Variants in SLC2A13 observed in about 807,000 individuals in gnomAD.
SLC2A13 encodes solute carrier family 2 member 13.
SLC2A13 carries 32 observed loss-of-function variants against 64.4 expected under a neutral mutation model. The observed-to-expected ratio is 0.50, with a 90% CI of 0.37 to 0.67. SLC2A13 has a LOEUF of 0.67. Among genes scored for constraint, SLC2A13 ranks in the 30% least tolerant of loss-of-function variants. The probability of loss-of-function intolerance (pLI) is 0.00; values close to 1 mark genes in which losing one functional copy is unlikely to be tolerated. For missense variants in SLC2A13, 743 were observed against 829.2 expected (o/e 0.90, Z 1.28); for synonymous variants, 338 against 327.1 (o/e 1.03, Z -0.36).
At chr12:40,026,629 CA>C (rs1947812753) in intron 3 of SLC2A13, among the ~76,000 whole-genome samples, 1 of 152,134 alleles carries the variant, frequency 6.6e-6, no homozygotes, top group African/African-American at 2.4e-5. Flanking sequence ...TATCCCTAAA[CA>C]AGAAGGCTTT....
At chr12:39,775,589 T>C (rs10444572) in intron 7 of SLC2A13, among the ~76,000 whole-genome samples, 148,078 of 152,336 alleles carry the variant, frequency 0.97, 71,971 homozygotes, top group East Asian at 1. Context: ...CTTATTCCAT[T>C]ATCACATCCA....
intron 6 of SLC2A13, among the ~76,000 whole-genome samples, chr12:39,838,141 C>T (rs1364713916): frequency 6.8e-6 from 1 of 147,332 alleles, no homozygotes. Flanking sequence ...CACATATACA[C>T]CATGGAATAC....
rs192030406 is a variant in SLC2A13, at chr12:39,809,911, T to C, written c.1445+20192A>G. ...TTTTCTTAATCCAGTCTATTATTGT[T>C]GGACATTTGGGTTGGTTTCAAGTCT... is the stretch of plus-strand genomic sequence containing the variant. On this transcript the variant is annotated intron_variant, in intron 7 of 9. Transcript: ENST00000280871. Among the ~76,000 whole-genome samples the C allele has an allele frequency of 3.3e-3, 502 of 152,330 alleles. 8 individuals carry two copies. Among genetic ancestry groups the C allele is most frequent in the African/African-American group, 0.012 (491 of 41,578 alleles).
At chr12:39,787,854 T>C (rs1941245765) in intron 7 of SLC2A13, among the ~76,000 whole-genome samples, 1 of 152,176 alleles carries the variant, frequency 6.6e-6, no homozygotes, top group Non-Finnish European at 1.5e-5. Context: ...TACTGATAAT[T>C]CACTTCTGTT....
intron 3 of SLC2A13, among the ~76,000 whole-genome samples, chr12:39,987,626 CT>C (rs1947053113): frequency 6.6e-6 from 1 of 152,188 alleles, no homozygotes; most frequent in Non-Finnish European, 1.5e-5. Flanking sequence ...CATTTATACA[CT>C]GTTTTTTCTT....
At chr12:39,809,193 T>G (rs568522988) in intron 7 of SLC2A13, among the ~76,000 whole-genome samples, 1 of 152,306 alleles carries the variant, frequency 6.6e-6, no homozygotes, top group South Asian at 2.1e-4. Flanking sequence ...ATTGGATTAA[T>G]TTGGTTTTTT....
intron 4 of SLC2A13, among the ~76,000 whole-genome samples, chr12:39,896,328 GTA>G (rs1273628071): frequency 2.2e-5 from 3 of 138,780 alleles, no homozygotes; most frequent in Admixed American, 1.5e-4. Context: ...ATGTATATGT[GTA>G]TATATGTATA....
intron 1 of SLC2A13, among the ~76,000 whole-genome samples, chr12:40,066,332 C>G (rs1937725185): frequency 6.6e-6 from 1 of 152,156 alleles, no homozygotes; most frequent in Non-Finnish European, 1.5e-5. Flanking sequence ...TTCTACTTAT[C>G]TAAAACGTCA....
intron 3 of SLC2A13, among the ~76,000 whole-genome samples, chr12:39,964,069 A>G (rs1371527475): frequency 1.3e-5 from 2 of 152,196 alleles, no homozygotes; most frequent in African/African-American, 4.8e-5. Context: ...CTTAAAAGAA[A>G]GAGACGATGT....
At chr12:40,029,466 T>C (rs568852593) in intron 2 of SLC2A13, among the ~76,000 whole-genome samples, 48 of 152,294 alleles carry the variant, frequency 3.2e-4, no homozygotes, top group African/African-American at 9.9e-4. Flanking sequence ...AGGAGGCCAA[T>C]TCTATTTCTA....
At chr12:39,923,810 G>C (rs184018663) in intron 4 of SLC2A13, among the ~76,000 whole-genome samples, 22 of 151,418 alleles carry the variant, frequency 1.5e-4, no homozygotes, top group Non-Finnish European at 2.8e-4. Flanking sequence ...AAACCTCATC[G>C]CACCTCAACA....
chr12:40,044,071 C>G (rs1014451939), intron 2 of SLC2A13, among the ~76,000 whole-genome samples: 15 of 151,986 alleles, frequency 9.9e-5, no homozygotes, highest in Non-Finnish European at 2.2e-4. Context: ...ATTTATATAG[C>G]CCCAAAATGT....
Position 39,972,058 on chromosome 12 carries a change from A to T in SLC2A13, c.926-20693T>A, listed in dbSNP as rs1302450496. On this transcript the variant is annotated intron_variant, in intron 3 of 9. Coordinates refer to ENST00000280871, the MANE Select transcript of SLC2A13 (RefSeq NM_052885.4). Reference sequence around the variant, plus strand: ...TATATATAAATTATATATAATATATAAAAATTATATATATAGAATTTATAT... The same window carrying T: ...TATATATAAATTATATATAATATATTAAAATTATATATATAGAATTTATAT... 3.4e-5 allele frequency among the ~76,000 whole-genome samples: 4 copies of T among 118,758 alleles called. No homozygotes were observed. The East Asian group carries it at 7.6e-4, about 23-fold the overall frequency. 77.9% of individuals were successfully genotyped at this position (118,758 alleles called of 152,430 possible). A position where few individuals can be genotyped will look rare whatever the true frequency, so the allele number is the denominator to read the frequency against.
At chr12:39,976,349 A>T (rs28370625) in intron 3 of SLC2A13, among the ~76,000 whole-genome samples, 34,137 of 152,224 alleles carry the variant, frequency 0.22, 3,952 homozygotes, top group Middle Eastern at 0.27. Flanking sequence ...ACACAATGGT[A>T]CGTGGCACTT....
intron 7 of SLC2A13, among the ~76,000 whole-genome samples, chr12:39,809,986 T>G (rs1332582592): frequency 6.6e-6 from 1 of 152,206 alleles, no homozygotes; most frequent in Non-Finnish European, 1.5e-5. Flanking sequence ...ATGTGTCTTA[T>G]AGCAGCATGA....
chr12:39,995,264 A>G (rs1277525974), intron 3 of SLC2A13, among the ~76,000 whole-genome samples: 3 of 152,190 alleles, frequency 2.0e-5, no homozygotes, highest in African/African-American at 7.2e-5. Flanking sequence ...CACCTTAAAC[A>G]TTTATCATTT....
intron 9 of SLC2A13, among the ~76,000 whole-genome samples, chr12:39,763,156 C>T (rs749863083): frequency 6.6e-6 from 1 of 151,814 alleles, no homozygotes; most frequent in Non-Finnish European, 1.5e-5. Flanking sequence ...ATGAATTTAT[C>T]GAAAAATTTT....
rs111909745 is a variant in SLC2A13, at chr12:40,047,749, C to T, written c.716+302G>A. 9.2e-5 allele frequency among the ~76,000 whole-genome samples: 14 copies of T among 152,302 alleles called. 2 individuals carry two copies. The highest frequency in any genetic ancestry group is 2.9e-4 in the African/African-American group (12 of 41,574). On this transcript the variant is annotated intron_variant, in intron 2 of 9. Transcript: ENST00000280871. ...CATTGTAGAATTCATGAACTCCATA[C>T]ATATTTATCACTGCATTCATTTTTA...
chr12:39,771,128 A>T (rs955939881), intron 7 of SLC2A13, among the ~76,000 whole-genome samples: 2 of 152,204 alleles, frequency 1.3e-5, no homozygotes. Flanking sequence ...ACACCATCCT[A>T]ATTTAGACTC....
Sources: allele counts gnomAD v4.1 joint callset (sites outside exome capture counted in the v4.1 genomes callset), GRCh38; gene constraint gnomAD v4.1.1; transcripts MANE v1.5; gene names NCBI Gene and HGNC (gene_info 2026-07-23, HGNC 2026-07-21).